EPB41: variants seen among roughly 807,000 people sequenced by gnomAD.
The protein encoded by EPB41 is protein 4.1.
In EPB41, 65 loss-of-function variants were observed where a neutral mutation model predicts 108.0. The observed-to-expected ratio is 0.60, with a 90% CI of 0.49 to 0.74. EPB41 has a LOEUF of 0.74. Among genes scored for constraint, EPB41 ranks in the 30% least tolerant of loss-of-function variants. The probability of loss-of-function intolerance (pLI) is 0.00; values close to 1 mark genes in which losing one functional copy is unlikely to be tolerated. For synonymous variants in EPB41, 336 were observed against 358.9 expected (o/e 0.94, Z 0.72); for missense variants, 875 against 1,037.0 (o/e 0.84, Z 2.15).
At chr1:29,112,755 T>C (rs1404708312) in intron 19 of EPB41, among the ~76,000 whole-genome samples, 2 of 152,222 alleles carry the variant, frequency 1.3e-5, no homozygotes, top group African/African-American at 4.8e-5. Flanking sequence ...AAGATGAAGA[T>C]GATAGTATCT....
At chr1:28,893,966 C>A (rs751149136) in intron 1 of EPB41, 3 of 152,166 alleles carry the variant, frequency 2.0e-5, no homozygotes, top group Non-Finnish European at 4.4e-5. Flanking sequence ...AGAGGGCACT[C>A]TGTGATTTTA....
At position 29,053,182 on chromosome 1, in the gene EPB41, G is replaced by A. The variant is rs553098402; in HGVS notation, c.1715G>A (p.Gly572Asp). The A allele has an allele frequency of 6.2e-7, 1 of 1,614,184 alleles. No individual in the cohort carries two copies. The highest frequency in any genetic ancestry group is 2.2e-5 in the East Asian group (1 of 44,890). Residue 572 changes from glycine (G) to aspartate (D), a missense_variant, in exon 12 of 21, where the codon GGT becomes GAT. This residue lies in a region of EPB41 where 519 missense variants were observed against 627.3 expected (regional missense o/e 0.83). Coordinates refer to ENST00000343067, the MANE Select transcript of EPB41 (RefSeq NM_001376013.1). ...ATTACTCAGGGTCAGGTTGCAGAAG[G>A]TGGCGTCCTAGATGCCTCTGCTAAA... The part of the protein sequence containing the change: ...PAITQGQVAE[G>D]GVLDASAKKT...
At chr1:28,982,502 G>C in intron 1 of EPB41, 2 of 883,952 alleles carry the variant, frequency 2.3e-6, no homozygotes, top group Non-Finnish European at 3.9e-6. Context: ...TGGCTGTAGG[G>C]GCAATCTGAG....
chr1:28,984,967 C>CT (rs1421352310), intron 1 of EPB41, among the ~76,000 whole-genome samples: 13 of 148,910 alleles, frequency 8.7e-5, no homozygotes, highest in African/African-American at 2.5e-4. Flanking sequence ...CCCCCAAAAA[C>CT]TTTTTTTTTG....
intron 1 of EPB41, among the ~76,000 whole-genome samples, chr1:28,907,275 T>C (rs2091912125): frequency 6.6e-6 from 1 of 150,840 alleles, no homozygotes; most frequent in South Asian, 2.1e-4. Flanking sequence ...ATGTTGGTCA[T>C]GGGCTGGTCT....
chr1:28,969,106 A>G (rs1440424516), intron 1 of EPB41, among the ~76,000 whole-genome samples: 1 of 146,488 alleles, frequency 6.8e-6, no homozygotes, highest in African/African-American at 2.5e-5. Context: ...TTTTTTTAAG[A>G]CAGAGTCTTG....
chr1:28,929,534 T>G (rs2093625907), intron 1 of EPB41, among the ~76,000 whole-genome samples: 1 of 129,352 alleles, frequency 7.7e-6, no homozygotes, highest in Non-Finnish European at 1.6e-5. Flanking sequence ...CCGGCCAATT[T>G]TTACTATTTT....
Position 29,068,257 on chromosome 1 carries a change from AG to A in EPB41, c.2184+3100del, listed in dbSNP as rs1238833188. On this transcript the variant is annotated intron_variant, in intron 16 of 20. Transcript: ENST00000343067. Reference sequence around the variant, plus strand: ...TGCAAACTATAACTGCGTATTTTCTAGAAGTTTTCTTTTTGACTCTGTGCAA... The same window carrying A: ...TGCAAACTATAACTGCGTATTTTCTAAAGTTTTCTTTTTGACTCTGTGCAA... Among the ~76,000 whole-genome samples the A allele has an allele frequency of 2.6e-5, 4 of 152,350 alleles. No individual in the cohort carries two copies. The East Asian group carries it at 7.7e-4, about 29-fold the overall frequency.
intron 1 of EPB41, among the ~76,000 whole-genome samples, chr1:28,929,662 G>A (rs1212685883): frequency 6.6e-6 from 1 of 151,942 alleles, no homozygotes; most frequent in East Asian, 1.9e-4. Context: ...CCGCCGAGTA[G>A]CTGGGATTAG....
At chr1:29,013,093 G>C (rs1277019969) in intron 5 of EPB41, among the ~76,000 whole-genome samples, 3 of 151,916 alleles carry the variant, frequency 2.0e-5, no homozygotes, top group African/African-American at 7.3e-5. Flanking sequence ...CTAAGAAAAG[G>C]AACCTTAATA....
chr1:28,969,728 T>A (rs371212725), intron 1 of EPB41, among the ~76,000 whole-genome samples: 1 of 151,862 alleles, frequency 6.6e-6, no homozygotes, highest in Non-Finnish European at 1.5e-5. Context: ...TGAAACTCCG[T>A]CTCTACTAAA....
intron 1 of EPB41, among the ~76,000 whole-genome samples, chr1:28,951,964 T>A (rs1405554272): frequency 6.6e-6 from 1 of 152,210 alleles, no homozygotes. Flanking sequence ...TACTGTTTGA[T>A]CTTGATTTCA....
chr1:28,908,396 C>T (rs1170237327), intron 1 of EPB41, among the ~76,000 whole-genome samples: 5 of 146,680 alleles, frequency 3.4e-5, no homozygotes, highest in Admixed American at 1.3e-4. Context: ...GGCGAGACTC[C>T]GTCTCAAAAA....
chr1:28,914,594 C>T lies in EPB41; in HGVS notation c.-182C>T, dbSNP rs2092444981. On this transcript the variant is annotated 5_prime_UTR_variant, in exon 1 of 21. Transcript: ENST00000343067. ...AGAGGGAAGGCGGGAGGGCGCGCGC[C>T]AGGGTCGCTCGCTCGCTCCCTCCCT... The T allele has an allele frequency of 6.6e-6, 1 of 151,754 alleles. No individual in the cohort carries two copies. 9.4% of individuals were successfully genotyped at this position (151,754 alleles called of 1,614,324 possible).
chr1:28,906,929 G>C (rs1167254958), intron 1 of EPB41, among the ~76,000 whole-genome samples: 5 of 150,886 alleles, frequency 3.3e-5, no homozygotes, highest in Non-Finnish European at 7.4e-5. Flanking sequence ...ACAGGCACCC[G>C]CCACCAAGCC....
intron 11 of EPB41, among the ~76,000 whole-genome samples, chr1:29,051,224 G>A (rs907285725): frequency 6.9e-6 from 1 of 144,498 alleles, no homozygotes; most frequent in African/African-American, 2.6e-5. Flanking sequence ...TCAGCCTCCC[G>A]AGTAGCTATG....
intron 19 of EPB41, among the ~76,000 whole-genome samples, chr1:29,114,118 C>A (rs1670105678): frequency 6.6e-6 from 1 of 152,108 alleles, no homozygotes; most frequent in Non-Finnish European, 1.5e-5. Context: ...TCTTAAGAGC[C>A]AGGTGAGTAG....
chr1:29,076,662 C>T (rs1170491875), intron 16 of EPB41, among the ~76,000 whole-genome samples: 1 of 152,120 alleles, frequency 6.6e-6, no homozygotes, highest in Non-Finnish European at 1.5e-5. Context: ...TATACCCCAC[C>T]AGAAAAAGTG....
chr1:28,905,718 G>A (rs2091758731), intron 1 of EPB41, among the ~76,000 whole-genome samples: 1 of 152,052 alleles, frequency 6.6e-6, no homozygotes, highest in Non-Finnish European at 1.5e-5. Flanking sequence ...ATGAAGGGTG[G>A]GTGACTTGCC....
Sources: gnomAD v4.1 joint callset for allele counts (sites outside exome capture counted in the v4.1 genomes callset) on GRCh38, gnomAD v4.1.1 for gene constraint, gnomAD v4.1.1 regional missense constraint, MANE v1.5 for transcripts, NCBI Gene and HGNC (gene_info 2026-07-23, HGNC 2026-07-21) for gene names.